The following NFE2L3 variants were observed in gnomAD, a reference collection of about 807,000 sequenced individuals.
NFE2L3 encodes the protein nuclear factor erythroid 2-related factor 3.
A neutral mutation model predicts 23.5 loss-of-function variants in NFE2L3; 18 were observed. The observed-to-expected ratio is 0.77, with a 90% confidence interval of 0.53 to 1.13. The LOEUF (loss-of-function observed/expected upper bound fraction) is 1.13. Among genes scored for constraint, NFE2L3 ranks in the 50% most tolerant of loss-of-function variants. The pLI, the probability that NFE2L3 is intolerant of heterozygous loss-of-function variation, is 0.00. For synonymous variants in NFE2L3, 424 were observed against 354.5 expected, an observed-to-expected ratio of 1.20 and a Z score of -2.20; for missense variants, 1,152 against 877.2, an observed-to-expected ratio of 1.31 and a Z score of -3.96.
At position 26,185,424 on chromosome 7, in the gene NFE2L3, G is replaced by A. The variant is rs1782457944; in HGVS notation, c.1726G>A (p.Val576Ile). 1 of 1,614,126 alleles carries A rather than the reference G, an allele frequency of 6.2e-7. No individual in the cohort carries two copies. Among genetic ancestry groups the A allele is most frequent in the African/African-American group, 1.3e-5 (1 of 75,034 alleles). Residue 576 changes from valine to isoleucine, a missense_variant, in exon 4 of 4, where the codon GTC (valine) becomes ATC (isoleucine). Coordinates refer to ENST00000056233, the MANE Select transcript of NFE2L3 (RefSeq NM_004289.7). ...TAGATATTATCTGACAGACCTACAAGTCTCACTTATCCGTGACATCAGACG... is the reference window on the plus strand; with the variant it reads ...TAGATATTATCTGACAGACCTACAAATCTCACTTATCCGTGACATCAGACG... ...LSRYYLTDLQ[V>I]SLIRDIRRRG... is the part of the protein sequence containing the mutation.
At chr7:26,154,846 T>A (rs1784057121) in intron 1 of NFE2L3, among the ~76,000 whole-genome samples, 1 of 152,236 alleles carries the variant, frequency 6.6e-6, no homozygotes, top group African/African-American at 2.4e-5. Context: ...TGGCCTAGAC[T>A]GGCAGGCCTG....
intron 2 of NFE2L3, among the ~76,000 whole-genome samples, chr7:26,182,809 ATTT>A (rs561455010): frequency 1.3e-5 from 2 of 152,126 alleles, no homozygotes; most frequent in Non-Finnish European, 2.9e-5. Flanking sequence ...CTGTAAAAAT[ATTT>A]TTTGAGACGA....
At chr7:26,179,359 G>T (rs528873608) in intron 2 of NFE2L3, among the ~76,000 whole-genome samples, 2 of 152,200 alleles carry the variant, frequency 1.3e-5, no homozygotes, top group South Asian at 4.1e-4. Flanking sequence ...AAATTAGTTG[G>T]TGTGGTGATG....
At chr7:26,183,351 C>T (rs1239866242) in intron 2 of NFE2L3, among the ~76,000 whole-genome samples, 3 of 149,876 alleles carry the variant, frequency 2.0e-5, no homozygotes, top group African/African-American at 4.9e-5. Flanking sequence ...AGTTCGAGAC[C>T]AACTTGGCCA....
chr7:26,178,958 T>TG (rs1784461629), intron 2 of NFE2L3, among the ~76,000 whole-genome samples: 1 of 152,168 alleles, frequency 6.6e-6, no homozygotes, highest in Non-Finnish European at 1.5e-5. Flanking sequence ...CCTTGGAGGA[T>TG]GGAGAGTACC....
rs1275029053 is a variant in NFE2L3 at position 26,185,882 on chromosome 7, TTAAG to T, written c.*102_*105del. The T allele has an allele frequency of 4.6e-5, 44 of 965,598 alleles. No homozygotes were observed. Among genetic ancestry groups the T allele is most frequent in the East Asian group, 1.1e-4 (4 of 37,774 alleles). The allele number at this position is 965,598 out of a possible 1,614,324, so 59.8% of individuals were successfully genotyped here. On this transcript the variant is annotated 3_prime_UTR_variant, in exon 4 of 4. Transcript: ENST00000056233. Reference sequence around the variant, plus strand: ...TGAAACTGCTTCAAGAATTGTATCTTTAAGTACTGCTACTTGAATAACTCAGTTA... The same window carrying T: ...TGAAACTGCTTCAAGAATTGTATCTTTACTGCTACTTGAATAACTCAGTTA...
intron 2 of NFE2L3, among the ~76,000 whole-genome samples, chr7:26,178,920 T>C (rs1053740202): frequency 6.6e-6 from 1 of 152,136 alleles, no homozygotes; most frequent in African/African-American, 2.4e-5. Context: ...CTTCCCAGAA[T>C]GTGGAGTTTA....
rs574027958 is a variant in NFE2L3 at position 26,153,148 on chromosome 7, G to T, written c.570+80G>T. ...CCGAGGCTTGTGTCGGATCTGAGCAGGGGCCACTCTCGCTGTGTCCTGGCA... is the reference window on the plus strand; with the variant it reads ...CCGAGGCTTGTGTCGGATCTGAGCATGGGCCACTCTCGCTGTGTCCTGGCA... On this transcript the variant is annotated intron_variant, in intron 1 of 3. Coordinates refer to ENST00000056233, the MANE Select transcript of NFE2L3 (RefSeq NM_004289.7). The T allele has an allele frequency of 1.3e-4, 174 of 1,356,052 alleles. No homozygotes were observed. In the African/African-American group the frequency reaches 2.4e-3, roughly 19 times the overall value. The allele number at this position is 1,356,052 out of a possible 1,614,324, so 84.0% of individuals were successfully genotyped here.
Position 26,152,461 on chromosome 7 carries a change from C to T in NFE2L3, c.-38C>T, listed in dbSNP as rs1224108838. 1.6e-6 allele frequency: 2 copies of T among 1,234,156 alleles called. No homozygotes were observed. Among genetic ancestry groups the T allele is most frequent in the African/African-American group, 1.6e-5 (1 of 64,080 alleles). 76.5% of individuals were successfully genotyped at this position (1,234,156 alleles called of 1,614,324 possible). ...CCGGCGGCTGGGGCGCCGGGACCCG[C>T]GGGCGCCGGCAGGGGCGTTCCCGGG... On this transcript the variant is annotated 5_prime_UTR_variant, in exon 1 of 4. Coordinates refer to ENST00000056233, the MANE Select transcript of NFE2L3 (RefSeq NM_004289.7). The surrounding 1 kb of genome is among the most constrained non-coding windows in gnomAD (Gnocchi z 4.4).
chr7:26,167,495 C>T (rs945048627), intron 1 of NFE2L3, among the ~76,000 whole-genome samples: 5 of 151,766 alleles, frequency 3.3e-5, no homozygotes, highest in African/African-American at 7.3e-5. Context: ...CACAAGTTTA[C>T]GATAGCTTCC....
Position 26,187,044 on chromosome 7 carries a change from A to G in NFE2L3, c.*1261A>G, listed in dbSNP as rs1445496496. Reference sequence around the variant, plus strand: ...TGCCATAGGAGCTACAGTGTAGAGTATCACATAAGTATCTTGGGCTAGAGA... The same window carrying G: ...TGCCATAGGAGCTACAGTGTAGAGTGTCACATAAGTATCTTGGGCTAGAGA... On this transcript the variant is annotated 3_prime_UTR_variant, in exon 4 of 4. Coordinates refer to ENST00000056233, the MANE Select transcript of NFE2L3 (RefSeq NM_004289.7). 2 of 152,228 alleles carry G rather than the reference A, an allele frequency of 1.3e-5. No homozygotes were observed. The highest frequency in any genetic ancestry group is 2.9e-5 in the Non-Finnish European group (2 of 68,034). The allele number at this position is 152,228 out of a possible 1,614,324, so 9.4% of individuals were successfully genotyped here.
intron 2 of NFE2L3, among the ~76,000 whole-genome samples, chr7:26,181,784 AG>A (rs1784516770): frequency 6.6e-6 from 1 of 152,210 alleles, no homozygotes; most frequent in East Asian, 1.9e-4. Flanking sequence ...TCATGAAAAA[AG>A]AAAAAGATCT....
chr7:26,184,833 GACCT>G lies in NFE2L3; in HGVS notation c.1138_1141del (p.Leu380CysfsTer6). 1 of 1,613,922 alleles carries G rather than the reference GACCT, an allele frequency of 6.2e-7. No homozygotes were observed. Among genetic ancestry groups the G allele is most frequent in the South Asian group, 1.1e-5 (1 of 91,062 alleles). On this transcript the variant is annotated frameshift_variant, in exon 4 of 4. Coordinates refer to ENST00000056233, the MANE Select transcript of NFE2L3 (RefSeq NM_004289.7). LOFTEE classifies it low-confidence loss of function (END_TRUNC). ...TCATATGAGGAATCTAACAAGCCAAGACCTACTGTATGACCTTGACATAAATATA... is the reference window on the plus strand; with the variant it reads ...TCATATGAGGAATCTAACAAGCCAAGACTGTATGACCTTGACATAAATATA...
rs1452247746 is a variant in NFE2L3 at position 26,153,054 on chromosome 7, G to A, written c.556G>A (p.Gly186Arg). ...EPTAQVPDAG[G>R]CASEENGVLR... ...GACGGCTCAGGTGCCGGACGCTGGCGGATGTGCGAGCGAGGTAGGTGCAGA... is the reference window on the plus strand; with the variant it reads ...GACGGCTCAGGTGCCGGACGCTGGCAGATGTGCGAGCGAGGTAGGTGCAGA... The change falls in exon 1 of 4, where the codon GGA becomes AGA. Residue 186 changes from glycine to arginine, a missense_variant. Physicochemically the swap from Gly to Arg is moderately radical, Grantham distance 125. Coordinates refer to ENST00000056233, the MANE Select transcript of NFE2L3 (RefSeq NM_004289.7). 2 of 1,526,646 alleles carry A rather than the reference G, an allele frequency of 1.3e-6. No individual in the cohort carries two copies. Among genetic ancestry groups the A allele is most frequent in the Non-Finnish European group, 1.8e-6 (2 of 1,140,656 alleles). 94.6% of individuals were successfully genotyped at this position (1,526,646 alleles called of 1,614,324 possible). A position where few individuals can be genotyped will look rare whatever the true frequency, so the allele number is the denominator to read the frequency against.
At position 26,152,709 on chromosome 7, in the gene NFE2L3, G is replaced by C. The variant is rs1784016033; in HGVS notation, c.211G>C (p.Ala71Pro). 1 of 1,476,664 alleles carries C rather than the reference G, an allele frequency of 6.8e-7. No homozygotes were observed. Among genetic ancestry groups the C allele is most frequent in the Non-Finnish European group, 8.9e-7 (1 of 1,121,040 alleles). 91.5% of individuals were successfully genotyped at this position (1,476,664 alleles called of 1,614,324 possible). The change falls in exon 1 of 4, where the codon GCG becomes CCG. Residue 71 changes from alanine to proline, a missense_variant. Coordinates refer to ENST00000056233, the MANE Select transcript of NFE2L3 (RefSeq NM_004289.7). This position sits in a 1 kb window ranked among gnomAD's most constrained non-coding sequence, Gnocchi z 4.4. ...CTCGGCCTCGGGAGGGTGGGGGCGC[G>C]CGGGCCACTTGCACCCCAAGGGCCG... Reference protein sequence around the residue: ...PFSASGGWGRAGHLHPKGREL... With the variant: ...PFSASGGWGRPGHLHPKGREL...
rs1784447065 is a variant in NFE2L3 at position 26,178,123 on chromosome 7, G to A, written c.750+1G>A. 1 of 1,609,890 alleles carries A rather than the reference G, an allele frequency of 6.2e-7. No individual in the cohort carries two copies. The highest frequency in any genetic ancestry group is 8.5e-7 in the Non-Finnish European group (1 of 1,178,344). ...AAAGACCACTGAATCTAGAAATGAG[G>A]TAAGCCTGTCAGAATATTCAAGCCT... On this transcript the variant is annotated splice_donor_variant, in intron 2 of 3. Transcript: ENST00000056233. LOFTEE classifies it high-confidence loss of function.
chr7:26,166,854 C>T lies in NFE2L3; in HGVS notation c.571-11089C>T, dbSNP rs114621660. Reference sequence around the variant, plus strand: ...TCTGACGTCATCCTTCTCATAGGCACCACACTGTTCTTTGTCTTTGAAGGT... The same window carrying T: ...TCTGACGTCATCCTTCTCATAGGCATCACACTGTTCTTTGTCTTTGAAGGT... On this transcript the variant is annotated intron_variant, in intron 1 of 3. Coordinates refer to ENST00000056233, the MANE Select transcript of NFE2L3 (RefSeq NM_004289.7). Among the ~76,000 whole-genome samples the T allele has an allele frequency of 7.2e-3, 1,091 of 152,318 alleles. 14 individuals are homozygous for T. Among genetic ancestry groups the T allele is most frequent in the African/African-American group, 0.025 (1,043 of 41,556 alleles).
chr7:26,184,039 A>G (rs939124916), intron 3 of NFE2L3: 26 of 488,662 alleles, frequency 5.3e-5, no homozygotes, highest in Non-Finnish European at 8.0e-5. Flanking sequence ...ATTATCAGGT[A>G]TTTATCCAAA....
chr7:26,178,360 C>T (rs1040062532), intron 2 of NFE2L3, among the ~76,000 whole-genome samples: 3 of 152,202 alleles, frequency 2.0e-5, no homozygotes, highest in African/African-American at 7.2e-5. Flanking sequence ...TGTGCACACA[C>T]CCCCTTCCAG....
Sources: gnomAD v4.1 joint callset for allele counts (sites outside exome capture counted in the v4.1 genomes callset) on GRCh38, gnomAD v4.1.1 for gene constraint, Gnocchi (gnomAD v3.1) non-coding constraint, MANE v1.5 for transcripts, NCBI Gene and HGNC (gene_info 2026-07-23, HGNC 2026-07-21) for gene names.